The following DRD2 variants were observed in gnomAD, a reference collection of about 807,000 sequenced individuals.
DRD2 encodes the protein dopamine receptor D2.
DRD2 carries 8 observed loss-of-function variants against 38.0 expected under a neutral mutation model. The observed-to-expected ratio is 0.21, with a 90% CI of 0.12 to 0.38. DRD2 has a LOEUF of 0.38. Ranked by LOEUF, DRD2 falls within the 10% of genes least tolerant of loss-of-function variation. The probability of loss-of-function intolerance (pLI) is 1.00; values close to 1 mark genes in which losing one functional copy is unlikely to be tolerated. For missense variants in DRD2, 403 were observed against 607.7 expected (o/e 0.66, Z 3.54); for synonymous variants, 230 against 238.6 (o/e 0.96, Z 0.33).
rs139302741 is a variant in DRD2, at chr11:113,432,636, C to T, written c.-31-7954G>A. On this transcript the variant is annotated intron_variant, in intron 1 of 7. Coordinates refer to ENST00000362072, the MANE Select transcript of DRD2 (RefSeq NM_000795.4). ...GAAAAAGTAGAGGGGGAGAAGAAAG[C>T]ATTTTGTATTTGCATCTCAAAAGCA... is the stretch of plus-strand genomic sequence containing the variant. 1.5e-3 allele frequency among the ~76,000 whole-genome samples: 228 copies of T among 152,218 alleles called. 1 individual carries two copies. Among genetic ancestry groups the T allele is most frequent in the African/African-American group, 5.1e-3 (211 of 41,526 alleles).
chr11:113,467,092 C>A (rs1201914348), intron 1 of DRD2, among the ~76,000 whole-genome samples: 2 of 152,002 alleles, frequency 1.3e-5, no homozygotes, highest in Non-Finnish European at 2.9e-5. Flanking sequence ...TGCCTGGGAC[C>A]CTGGAAGTTA....
At chr11:113,434,607 T>C (rs1463975017) in intron 1 of DRD2, among the ~76,000 whole-genome samples, 1 of 151,732 alleles carries the variant, frequency 6.6e-6, no homozygotes, top group Non-Finnish European at 1.5e-5. Context: ...TGAAAGTGAG[T>C]GTGGGGATGT....
At chr11:113,457,411 A>G (rs77731295) in intron 1 of DRD2, among the ~76,000 whole-genome samples, 916 of 152,284 alleles carry the variant, frequency 6.0e-3, no homozygotes, top group Non-Finnish European at 0.01. Flanking sequence ...TGGACTGTAC[A>G]GTTCTATTTC....
intron 1 of DRD2, among the ~76,000 whole-genome samples, chr11:113,457,573 C>T (rs761642354): frequency 3.3e-5 from 5 of 151,962 alleles, no homozygotes; most frequent in Non-Finnish European, 7.4e-5. Flanking sequence ...CTCTCCATTA[C>T]CACCCCCCCG....
intron 2 of DRD2, among the ~76,000 whole-genome samples, chr11:113,421,731 G>A (rs986452620): frequency 6.6e-6 from 1 of 152,188 alleles, no homozygotes; most frequent in Non-Finnish European, 1.5e-5. Flanking sequence ...ATTAGAGAGG[G>A]GACAGTGCGT....
At chr11:113,425,194 T>C (rs914075473) in intron 1 of DRD2, among the ~76,000 whole-genome samples, 2 of 152,144 alleles carry the variant, frequency 1.3e-5, no homozygotes, top group Non-Finnish European at 2.9e-5. Context: ...CTAAGGGTGA[T>C]AGGGAGTAGG....
intron 1 of DRD2, among the ~76,000 whole-genome samples, chr11:113,435,341 G>C (rs1230023064): frequency 2.1e-5 from 2 of 96,738 alleles, no homozygotes; most frequent in South Asian, 3.4e-4. Flanking sequence ...GGGGGGGGGT[G>C]GGGGAGAATG....
intron 1 of DRD2, among the ~76,000 whole-genome samples, chr11:113,468,838 G>A (rs1258975810): frequency 6.6e-6 from 1 of 152,140 alleles, no homozygotes; most frequent in Non-Finnish European, 1.5e-5. Context: ...GTGAGCCACC[G>A]CGTCTGGCTA....
intron 1 of DRD2, among the ~76,000 whole-genome samples, chr11:113,432,504 G>A (rs1002293372): frequency 3.9e-5 from 6 of 152,188 alleles, no homozygotes; most frequent in African/African-American, 1.2e-4. Flanking sequence ...GAATCAAATT[G>A]TCTAATTAAA....
intron 1 of DRD2, among the ~76,000 whole-genome samples, chr11:113,466,448 G>A (rs1951369926): frequency 2.0e-5 from 3 of 151,980 alleles, no homozygotes; most frequent in African/African-American, 2.4e-5. Flanking sequence ...TTTTCTCCAT[G>A]AGTGTGTCTG....
chr11:113,412,245 T>A, intron 7 of DRD2: 1 of 443,654 alleles, frequency 2.3e-6, no homozygotes, highest in Admixed American at 3.5e-5. Flanking sequence ...CCTGGGCACA[T>A]AGGCCCATGA....
At chr11:113,424,184 GATT>G (rs986772280) in intron 2 of DRD2, among the ~76,000 whole-genome samples, 180 bp downstream of exon 2, 12 of 152,194 alleles carry the variant, frequency 7.9e-5, no homozygotes, top group African/African-American at 2.9e-4. Context: ...TGGTAGTTGG[GATT>G]ATTAAGGAAA....
At chr11:113,463,892 G>A (rs779615284) in intron 1 of DRD2, among the ~76,000 whole-genome samples, 1 of 152,166 alleles carries the variant, frequency 6.6e-6, no homozygotes, top group African/African-American at 2.4e-5. Flanking sequence ...CTCCCTGGAA[G>A]AGGTGATACC....
At chr11:113,439,627 G>T (rs951515673) in intron 1 of DRD2, among the ~76,000 whole-genome samples, 7 of 151,754 alleles carry the variant, frequency 4.6e-5, no homozygotes, top group Non-Finnish European at 5.9e-5. Flanking sequence ...ATCACTTGAG[G>T]TCAGGAGTTC....
chr11:113,413,243 C>A, intron 6 of DRD2: 1 of 606,256 alleles, frequency 1.6e-6, no homozygotes, highest in East Asian at 3.7e-5. Flanking sequence ...TTTGGCCCTG[C>A]CTCCAGAAAC....
At chr11:113,442,975 AC>A (rs1196380958) in intron 1 of DRD2, among the ~76,000 whole-genome samples, 2 of 152,128 alleles carry the variant, frequency 1.3e-5, no homozygotes, top group Non-Finnish European at 2.9e-5. Flanking sequence ...TGTAAGCCTA[AC>A]AAATATGCTA....
At chr11:113,455,688 C>T (rs531577413) in intron 1 of DRD2, among the ~76,000 whole-genome samples, 53 of 152,208 alleles carry the variant, frequency 3.5e-4, no homozygotes, top group African/African-American at 1.2e-3. Context: ...TTTAAAAATG[C>T]TCAACATCAC....
chr11:113,440,417 T>C (rs1461140555), intron 1 of DRD2, among the ~76,000 whole-genome samples: 1 of 152,354 alleles, frequency 6.6e-6, no homozygotes, highest in South Asian at 2.1e-4. Flanking sequence ...CCATGGGGCC[T>C]GTTAGGTTTC....
At chr11:113,461,634 C>T (rs558313462) in intron 1 of DRD2, among the ~76,000 whole-genome samples, 6 of 152,268 alleles carry the variant, frequency 3.9e-5, no homozygotes, top group Admixed American at 3.3e-4. Flanking sequence ...CCTGACTCTG[C>T]CCCCAAAAGA....
Sources: allele counts gnomAD v4.1 joint callset (sites outside exome capture counted in the v4.1 genomes callset), GRCh38; gene constraint gnomAD v4.1.1; transcripts MANE v1.5; gene names NCBI Gene and HGNC (gene_info 2026-07-23, HGNC 2026-07-21).